FOXP2: variants seen among roughly 807,000 people sequenced by gnomAD.
The protein encoded by FOXP2 is forkhead box P2.
FOXP2 carries 12 observed loss-of-function variants against 115.8 expected under a neutral mutation model. The observed-to-expected ratio is 0.10, with a 90% confidence interval of 0.07 to 0.17. The LOEUF (loss-of-function observed/expected upper bound fraction) is 0.17, where lower values mean the gene tolerates loss of function less well. Ranked by LOEUF, FOXP2 falls within the 10% of genes least tolerant of loss-of-function variation. The pLI, the probability that FOXP2 is intolerant of heterozygous loss-of-function variation, is 1.00. For missense variants in FOXP2, 629 were observed against 843.5 expected (o/e 0.75, Z 3.15); for synonymous variants, 328 against 297.7 (o/e 1.10, Z -1.05).
chr7:114,215,754 G>A (rs1003286773), intron 1 of FOXP2, among the ~76,000 whole-genome samples: 4 of 151,432 alleles, frequency 2.6e-5, no homozygotes, highest in Admixed American at 6.6e-5. Flanking sequence ...ACGAATAGAC[G>A]GTCTTACAGT....
intron 1 of FOXP2, among the ~76,000 whole-genome samples, chr7:114,165,646 C>A (rs1296058419): frequency 6.6e-6 from 1 of 152,104 alleles, no homozygotes; most frequent in African/African-American, 2.4e-5. Context: ...GAGAGATAGT[C>A]CCTTTTCATG....
chr7:114,267,900 A>C lies in FOXP2; in HGVS notation c.-101-20119A>C, dbSNP rs989064197. 7.9e-5 allele frequency among the ~76,000 whole-genome samples: 12 copies of C among 152,026 alleles called. No homozygotes were observed. The South Asian group carries it at 1.0e-3, about 13-fold the overall frequency. On this transcript the variant is annotated intron_variant, in intron 1 of 17. Coordinates refer to the FOXP2 transcript ENST00000634411. ...AACTGTCACAACCATGTATCTCCAG[A>C]AATTTTTTTATCTTCCAAAATTGAA...
At chr7:114,176,298 T>TTCTTTCTTTCTTTCTCTCTCTCTC (rs368923204) in intron 1 of FOXP2, among the ~76,000 whole-genome samples, 3 of 76,572 alleles carry the variant, frequency 3.9e-5, no homozygotes, top group African/African-American at 1.6e-4. Context: ...CTTTCTTTCT[T>TTCTTTCTTTCTTTCTCTCTCTCTC]TCTCTCTCTC....
At chr7:114,253,837 G>T (rs1254002689) in intron 1 of FOXP2, among the ~76,000 whole-genome samples, 2 of 152,212 alleles carry the variant, frequency 1.3e-5, no homozygotes, top group African/African-American at 2.4e-5. Context: ...CTGTCATTAT[G>T]ATGTTAGCTG....
intron 1 of FOXP2, among the ~76,000 whole-genome samples, chr7:114,229,133 A>G (rs1358185615): frequency 6.6e-6 from 1 of 151,448 alleles, no homozygotes; most frequent in Non-Finnish European, 1.5e-5. Flanking sequence ...CTTTAAGTCA[A>G]GCTGTCATAG....
chr7:114,358,723 G>C (rs1791673949), intron 2 of FOXP2, among the ~76,000 whole-genome samples: 1 of 152,166 alleles, frequency 6.6e-6, no homozygotes, highest in African/African-American at 2.4e-5. Context: ...CTTTGAACTT[G>C]AGAGAGATGA....
intron 2 of FOXP2, among the ~76,000 whole-genome samples, chr7:114,387,030 C>G (rs1478193896): frequency 6.6e-6 from 1 of 152,066 alleles, no homozygotes; most frequent in African/African-American, 2.4e-5. Flanking sequence ...AGCAACTTAC[C>G]CAGTCTTCTG....
intron 3 of FOXP2, among the ~76,000 whole-genome samples, chr7:114,563,186 A>AG (rs748658382): frequency 1.3e-3 from 196 of 152,310 alleles, no homozygotes; most frequent in Non-Finnish European, 1.3e-3. Flanking sequence ...ATGGGGATTA[A>AG]GGGAACTACA....
chr7:114,238,092 A>G (rs1795058258), intron 1 of FOXP2, among the ~76,000 whole-genome samples: 3 of 152,192 alleles, frequency 2.0e-5, no homozygotes, highest in African/African-American at 7.2e-5. Context: ...TTGTTAACCA[A>G]TTATCACTGT....
intron 1 of FOXP2, among the ~76,000 whole-genome samples, chr7:114,096,245 A>C (rs978946818): frequency 6.6e-6 from 1 of 152,190 alleles, no homozygotes; most frequent in African/African-American, 2.4e-5. Context: ...ATACTCATAC[A>C]TTTCAATACA....
intron 2 of FOXP2, among the ~76,000 whole-genome samples, chr7:114,295,833 C>T (rs1363283081): frequency 6.6e-6 from 1 of 152,124 alleles, no homozygotes; most frequent in African/African-American, 2.4e-5. Flanking sequence ...TTCACTGTTG[C>T]TTTGCCTTAT....
intron 2 of FOXP2, among the ~76,000 whole-genome samples, chr7:114,381,003 T>C (rs1233395173): frequency 4.6e-5 from 7 of 152,230 alleles, no homozygotes; most frequent in Admixed American, 4.6e-4. Flanking sequence ...TAGGGCCTTC[T>C]TTAGGGCCTG....
At chr7:114,659,782 T>C in intron 13 of FOXP2, 109 bp downstream of exon 13, 1 of 839,496 alleles carries the variant, frequency 1.2e-6, no homozygotes, top group Non-Finnish European at 2.0e-6. Context: ...TTCCCCTCTT[T>C]TTAACCTGCC....
At chr7:114,347,817 CA>C (rs1791383312) in intron 2 of FOXP2, among the ~76,000 whole-genome samples, 1 of 151,912 alleles carries the variant, frequency 6.6e-6, no homozygotes, top group South Asian at 2.1e-4. Flanking sequence ...AAAATAAAAA[CA>C]AGATTTTCTT....
intron 2 of FOXP2, among the ~76,000 whole-genome samples, chr7:114,429,199 T>C (rs1793999164): frequency 6.6e-6 from 1 of 151,476 alleles, no homozygotes; most frequent in Non-Finnish European, 1.5e-5. Context: ...TACTTAATGA[T>C]ACGTGGATAG....
At chr7:114,144,748 C>T (rs939129725) in intron 1 of FOXP2, among the ~76,000 whole-genome samples, 4 of 151,848 alleles carry the variant, frequency 2.6e-5, no homozygotes, top group African/African-American at 9.7e-5. Flanking sequence ...TATATGTAGC[C>T]AAATATTTTA....
rs554263564 is a variant in FOXP2 at position 114,372,183 on chromosome 7, C to G, written c.-10-54319C>G. Among the ~76,000 whole-genome samples, 20 of 152,232 alleles carry G rather than the reference C, an allele frequency of 1.3e-4. No homozygotes were observed. In the East Asian group the frequency reaches 1.9e-3, roughly 15 times the overall value. On this transcript the variant is annotated intron_variant, in intron 2 of 17. Transcript: ENST00000634411. ...GGATATTATTCCCAGGAAAACTTAA[C>G]TATAACAAAAATATCTGTCCTGTTC...
chr7:114,195,321 A>G (rs538839703), intron 1 of FOXP2, among the ~76,000 whole-genome samples: 3 of 152,248 alleles, frequency 2.0e-5, no homozygotes, highest in South Asian at 2.1e-4. Context: ...ATCTTGCCTC[A>G]TGTTTATCTT....
chr7:114,233,897 T>C (rs761769318), intron 1 of FOXP2, among the ~76,000 whole-genome samples: 23 of 152,096 alleles, frequency 1.5e-4, no homozygotes, highest in Non-Finnish European at 2.5e-4. Flanking sequence ...CCTGTAATCC[T>C]AGCTACTTGG....
Sources: allele counts gnomAD v4.1 joint callset (sites outside exome capture counted in the v4.1 genomes callset), GRCh38; gene constraint gnomAD v4.1.1; transcripts MANE v1.5; gene names NCBI Gene and HGNC (gene_info 2026-07-23, HGNC 2026-07-21).